PBX1: variants seen among roughly 807,000 people sequenced by gnomAD.
PBX1 encodes pre-B-cell leukemia transcription factor 1.
Under a neutral mutation model 53.4 loss-of-function variants are expected in PBX1, and 6 were observed. The ratio of observed to expected loss-of-function variants is 0.11; its 90% CI spans 0.06 to 0.22. The LOEUF is 0.22. Ranked by LOEUF, PBX1 falls within the 10% of genes least tolerant of loss-of-function variation. PBX1 has a pLI of 1.00. For missense variants in PBX1, 251 were observed against 551.4 expected (o/e 0.46, Z 5.46); for synonymous variants, 204 against 212.3 (o/e 0.96, Z 0.34).
At chr1:164,647,869 C>T (rs897094030) in intron 2 of PBX1, among the ~76,000 whole-genome samples, 3 of 147,986 alleles carry the variant, frequency 2.0e-5, no homozygotes, top group Admixed American at 6.8e-5. Context: ...GGCTGGAGTG[C>T]GGTGGCGCGA....
intron 2 of PBX1, among the ~76,000 whole-genome samples, chr1:164,568,048 A>G (rs1270250463): frequency 6.6e-6 from 1 of 152,176 alleles, no homozygotes; most frequent in Non-Finnish European, 1.5e-5. Flanking sequence ...ACCTATTCAC[A>G]TGGTTTTGCC....
chr1:164,771,721 T>C (rs1667380835), intron 2 of PBX1: 1 of 152,212 alleles, frequency 6.6e-6, no homozygotes, highest in Non-Finnish European at 1.5e-5. Flanking sequence ...ATTACACCTC[T>C]GTTAAACACA....
intron 8 of PBX1, among the ~76,000 whole-genome samples, chr1:164,841,441 G>T (rs1671287654): frequency 6.6e-6 from 1 of 152,142 alleles, no homozygotes; most frequent in Admixed American, 6.5e-5. Context: ...AGCCATTGAA[G>T]ATTTCAACAG....
chr1:164,602,327 T>G (rs888943941), intron 2 of PBX1, among the ~76,000 whole-genome samples: 8 of 152,230 alleles, frequency 5.3e-5, no homozygotes, highest in African/African-American at 1.9e-4. Context: ...CCCGCTCGGT[T>G]TCAGTTTCTG....
intron 2 of PBX1, among the ~76,000 whole-genome samples, chr1:164,713,555 C>T (rs1457761611): frequency 1.3e-5 from 2 of 152,138 alleles, no homozygotes; most frequent in Non-Finnish European, 2.9e-5. Context: ...CTCTTCTCCC[C>T]CTTCCTTCCA....
intron 2 of PBX1, among the ~76,000 whole-genome samples, chr1:164,604,334 G>T (rs1013145137): frequency 6.6e-6 from 1 of 152,172 alleles, no homozygotes; most frequent in East Asian, 1.9e-4. Flanking sequence ...ACTATGTTTG[G>T]TTGCTTGCCT....
At chr1:164,779,715 T>C (rs2102271403) in intron 2 of PBX1, among the ~76,000 whole-genome samples, 1 of 152,280 alleles carries the variant, frequency 6.6e-6, no homozygotes, top group South Asian at 2.1e-4. Flanking sequence ...AGTGTCCTCA[T>C]GGAAATACGG....
chr1:164,601,978 C>T (rs545827520), intron 2 of PBX1, among the ~76,000 whole-genome samples: 11 of 152,232 alleles, frequency 7.2e-5, no homozygotes, highest in African/African-American at 2.4e-4. Context: ...CTCTGTGGCT[C>T]CAGGAAGGTT....
chr1:164,575,558 C>T (rs566138747), intron 2 of PBX1, among the ~76,000 whole-genome samples: 51 of 152,234 alleles, frequency 3.4e-4, no homozygotes, highest in African/African-American at 1.1e-3. Context: ...AGAGAATCCT[C>T]CTTATAATTA....
intron 8 of PBX1, among the ~76,000 whole-genome samples, chr1:164,827,901 T>G (rs1670546983): frequency 2.0e-5 from 3 of 152,234 alleles, no homozygotes; most frequent in Admixed American, 1.3e-4. Context: ...CAGGTCAAAT[T>G]GGAGAAACTC....
At chr1:164,800,169 AGGTAC>A (rs1669000719) in intron 4 of PBX1, among the ~76,000 whole-genome samples, 1 of 152,184 alleles carries the variant, frequency 6.6e-6, no homozygotes, top group African/African-American at 2.4e-5. Context: ...TCATAGCACT[AGGTAC>A]CTCTTTTACA....
chr1:164,792,577 G>T lies in PBX1; in HGVS notation c.349G>T (p.Val117Leu). 1 of 1,614,108 alleles carries T rather than the reference G, an allele frequency of 6.2e-7. No homozygotes were observed. The highest frequency in any genetic ancestry group is 8.5e-7 in the Non-Finnish European group (1 of 1,179,994). ...RLDNMLLAEG[V>L]AGPEKGGGSA... ...GGACAACATGCTGTTAGCGGAAGGC[G>T]TGGCGGGGCCTGAGAAGGGCGGAGG... Residue 117 changes from valine (V) to leucine (L), a missense_variant, in exon 3 of 9, where the codon GTG (valine) becomes TTG (leucine). By Grantham distance (32) the Val-to-Leu change is conservative. This residue lies in a region of PBX1 where 76 missense variants were observed against 197.5 expected (regional missense o/e 0.38). Transcript: ENST00000420696.
intron 2 of PBX1, among the ~76,000 whole-genome samples, chr1:164,877,003 T>C (rs1672528795): frequency 6.6e-6 from 1 of 152,200 alleles, no homozygotes. Flanking sequence ...CAAACAGTGA[T>C]AGAGGAAGTA....
intron 2 of PBX1, among the ~76,000 whole-genome samples, chr1:164,719,444 T>A (rs531006532): frequency 6.6e-6 from 1 of 152,284 alleles, no homozygotes; most frequent in African/African-American, 2.4e-5. Flanking sequence ...GAGTAAAAGC[T>A]TTAGGCTATT....
At chr1:164,700,690 G>A in intron 2 of PBX1, 1 of 985,368 alleles carries the variant, frequency 1.0e-6, no homozygotes. Flanking sequence ...TGATGGAAGG[G>A]GACCCAACTC....
chr1:164,600,313 G>A (rs953461447), intron 2 of PBX1, among the ~76,000 whole-genome samples: 3 of 148,460 alleles, frequency 2.0e-5, no homozygotes, highest in East Asian at 2.1e-4. Context: ...GTGCAGTGGC[G>A]TGATCTCGGC....
chr1:164,668,013 C>T (rs912429944), intron 2 of PBX1, among the ~76,000 whole-genome samples: 3 of 152,186 alleles, frequency 2.0e-5, no homozygotes, highest in Admixed American at 6.5e-5. Flanking sequence ...GTGCTATTTG[C>T]AGATCTCTCC....
intron 2 of PBX1, among the ~76,000 whole-genome samples, chr1:164,739,447 A>G (rs1458707902): frequency 6.6e-6 from 1 of 152,160 alleles, no homozygotes; most frequent in Admixed American, 6.5e-5. Context: ...CCAAGATTCA[A>G]TGAATACCTG....
intron 2 of PBX1, among the ~76,000 whole-genome samples, chr1:164,654,839 G>C (rs564623459): frequency 3.3e-5 from 5 of 152,138 alleles, no homozygotes; most frequent in African/African-American, 1.2e-4. Context: ...AGCATTTATC[G>C]AACTGGGTAT....
Sources: allele counts gnomAD v4.1 joint callset (sites outside exome capture counted in the v4.1 genomes callset), GRCh38; gene constraint gnomAD v4.1.1; regional missense constraint gnomAD v4.1.1; transcripts MANE v1.5; gene names NCBI Gene and HGNC (gene_info 2026-07-23, HGNC 2026-07-21).